Variants in ASPA observed in about 807,000 individuals in gnomAD.
ASPA encodes the protein ACY-2.
Under a neutral mutation model 29.6 loss-of-function variants are expected in ASPA, and 25 were observed. The observed-to-expected ratio is 0.85, with a 90% CI of 0.62 to 1.18. The LOEUF (loss-of-function observed/expected upper bound fraction) is 1.18. Among genes scored for constraint, ASPA ranks in the 50% most tolerant of loss-of-function variants. The pLI, the probability that ASPA is intolerant of heterozygous loss-of-function variation, is 0.00. For missense variants in ASPA, 333 were observed against 385.7 expected, an observed-to-expected ratio of 0.86 and a Z score of 1.14; for synonymous variants, 131 against 130.3, an observed-to-expected ratio of 1.01 and a Z score of -0.04.
At chr17:3,496,837 CG>C (rs2073916066) in intron 5 of ASPA, among the ~76,000 whole-genome samples, 2 of 152,268 alleles carry the variant, frequency 1.3e-5, no homozygotes, top group African/African-American at 4.8e-5. Context: ...GAGGCCGAGG[CG>C]GGCGGATCAC....
chr17:3,479,050 A>G (rs1245844715), intron 1 of ASPA, among the ~76,000 whole-genome samples: 2 of 152,198 alleles, frequency 1.3e-5, no homozygotes, highest in African/African-American at 4.8e-5. Context: ...TCTATTTTCC[A>G]TCTGATACCT....
rs548788006 is a variant in ASPA at position 3,490,711 on chromosome 17, A to G, written c.634+1369A>G. 3.9e-5 allele frequency among the ~76,000 whole-genome samples: 6 copies of G among 152,216 alleles called. No individual in the cohort carries two copies. Among genetic ancestry groups the G allele is most frequent in the South Asian group, 4.1e-4 (2 of 4,832 alleles). ...AACATACTTACAATAAACCCTCTGAATAGGAAGTGTGGGACTACAATATAT... is the reference window on the plus strand; with the variant it reads ...AACATACTTACAATAAACCCTCTGAGTAGGAAGTGTGGGACTACAATATAT... On this transcript the variant is annotated intron_variant, in intron 4 of 5. Coordinates refer to ENST00000263080, the MANE Select transcript of ASPA (RefSeq NM_000049.4). The surrounding 1 kb of genome is among the most constrained non-coding windows in gnomAD (Gnocchi z 4.6).
rs2073696726 is a variant in ASPA, at chr17:3,485,116, T to C, written c.526+1524T>C. On this transcript the variant is annotated intron_variant, in intron 3 of 5. Transcript: ENST00000263080. This position sits in a 1 kb window ranked among gnomAD's most constrained non-coding sequence, Gnocchi z 4.4. ...TCACTGCAGCCTTGACCTCCTGGGC[T>C]CAGGCAATCCTCCCATCTCAGCCTC... 6.6e-6 allele frequency among the ~76,000 whole-genome samples: 1 copy of C among 152,160 alleles called. No homozygotes were observed.
intron 4 of ASPA, among the ~76,000 whole-genome samples, chr17:3,493,999 T>C (rs2073868510): frequency 6.6e-6 from 1 of 151,796 alleles, no homozygotes; most frequent in Non-Finnish European, 1.5e-5. Context: ...GTTGTTATTA[T>C]TGTTTCTTCC....
chr17:3,483,032 TCCAAACCAAGAGG>T (rs1486133450), intron 2 of ASPA, among the ~76,000 whole-genome samples: 22 of 148,254 alleles, frequency 1.5e-4, no homozygotes, highest in Non-Finnish European at 1.5e-5. Context: ...CACTTTGTTA[TCCAAACCAAGAGG>T]CCTGTCTTCA....
chr17:3,483,595 A>G lies in ASPA; in HGVS notation c.526+3A>G. 1 of 1,606,370 alleles carries G rather than the reference A, an allele frequency of 6.2e-7. No homozygotes were observed. The highest frequency in any genetic ancestry group is 8.5e-7 in the Non-Finnish European group (1 of 1,172,938). On this transcript the variant is annotated splice_donor_region_variant and intron_variant, in intron 3 of 5. Coordinates refer to ENST00000263080, the MANE Select transcript of ASPA (RefSeq NM_000049.4). The stretch of plus-strand genomic sequence containing the variant: ...TTCCATAGCCAAGTATCCTGTGGGT[A>G]AGTCATAGTTCCCACTGTCATAACT...
chr17:3,488,499 A>G lies in ASPA; in HGVS notation c.527-736A>G, dbSNP rs1597438272. On this transcript the variant is annotated intron_variant, in intron 3 of 5. Coordinates refer to ENST00000263080, the MANE Select transcript of ASPA (RefSeq NM_000049.4). The surrounding 1 kb of genome is among the most constrained non-coding windows in gnomAD (Gnocchi z 6.1). ...TGGTGAAACCCTGCCTCTACTAAAA[A>G]TATAAAAATAAGCCAGGAATGGTGG... Among the ~76,000 whole-genome samples, 1 of 152,174 alleles carries G rather than the reference A, an allele frequency of 6.6e-6. No homozygotes were observed.
chr17:3,486,280 C>T (rs2073720195), intron 3 of ASPA, among the ~76,000 whole-genome samples: 1 of 152,196 alleles, frequency 6.6e-6, no homozygotes, highest in African/African-American at 2.4e-5. Context: ...GTGCCCTTTG[C>T]TCCAGGGAAG....
At position 3,488,012 on chromosome 17, in the gene ASPA, C is replaced by T. The variant is rs1457747455; in HGVS notation, c.527-1223C>T. Among the ~76,000 whole-genome samples the T allele has an allele frequency of 6.6e-6, 1 of 152,030 alleles. No individual in the cohort carries two copies. The highest frequency in any genetic ancestry group is 1.5e-5 in the Non-Finnish European group (1 of 68,016). On this transcript the variant is annotated intron_variant, in intron 3 of 5. Transcript: ENST00000263080. This position sits in a 1 kb window ranked among gnomAD's most constrained non-coding sequence, Gnocchi z 6.1. ...TACATATATGCAAGAAACCTAAGCA[C>T]AACAAATAAAAAATGATGCAAGAGA...
intron 4 of ASPA, among the ~76,000 whole-genome samples, chr17:3,492,510 CCTT>C (rs543934891): frequency 1.0e-3 from 153 of 152,290 alleles, no homozygotes; most frequent in Non-Finnish European, 1.7e-3. Flanking sequence ...TGTTTCATAT[CCTT>C]CTGTTCAGAG....
chr17:3,476,354 T>C lies in ASPA; in HGVS notation c.195T>C (p.Ile65=), dbSNP rs1252665222. 6.2e-7 allele frequency: 1 copy of C among 1,614,140 alleles called. No individual in the cohort carries two copies. The highest frequency in any genetic ancestry group is 1.1e-5 in the South Asian group (1 of 91,080). The change falls in exon 1 of 6, where the codon ATT becomes ATC. Residue 65 remains isoleucine, a synonymous_variant. Coordinates refer to ENST00000263080, the MANE Select transcript of ASPA (RefSeq NM_000049.4). The stretch of plus-strand genomic sequence containing the variant: ...CAGTGAAGAAGTGTACCAGATATAT[T>C]GACTGTGACCTGAATCGCATTTTTG... The part of the protein sequence containing the change: ...PRAVKKCTRY[I]DCDLNRIFDL...
chr17:3,476,205 A>G lies in ASPA; in HGVS notation c.46A>G (p.Ile16Val), dbSNP rs575183078. 9.9e-6 allele frequency: 16 copies of G among 1,614,148 alleles called. No homozygotes were observed. Among genetic ancestry groups the G allele is most frequent in the African/African-American group, 1.3e-5 (1 of 75,064 alleles). ...TGAAGAACATATACAAAAGGTTGCT[A>G]TCTTTGGAGGAACCCATGGGAATGA... ...IAEEHIQKVA[I>V]FGGTHGNELT... is the part of the protein sequence containing the mutation. Residue 16 changes from isoleucine (I) to valine (V), a missense_variant, in exon 1 of 6, where the codon ATC (isoleucine) becomes GTC (valine). Ile to Val is a conservative substitution (Grantham distance 29, BLOSUM62 3). Transcript: ENST00000263080.
At position 3,490,923 on chromosome 17, in the gene ASPA, G is replaced by C. The variant is rs2150755116; in HGVS notation, c.634+1581G>C. Among the ~76,000 whole-genome samples the C allele has an allele frequency of 6.6e-6, 1 of 152,212 alleles. No homozygotes were observed. The highest frequency in any genetic ancestry group is 1.9e-4 in the East Asian group (1 of 5,174). On this transcript the variant is annotated intron_variant, in intron 4 of 5. Coordinates refer to ENST00000263080, the MANE Select transcript of ASPA (RefSeq NM_000049.4). The surrounding 1 kb of genome is among the most constrained non-coding windows in gnomAD (Gnocchi z 4.6). ...TGTGTAACATTTCATTTAAGCAAAG[G>C]ATTCGGCAAATCAAAAATTGTCAAC...
At position 3,491,877 on chromosome 17, in the gene ASPA, C is replaced by CTTTTTTTTTTT. The variant is rs540965896; in HGVS notation, c.635-2465_635-2455dup. Among the ~76,000 whole-genome samples the CTTTTTTTTTTT allele has an allele frequency of 1.1e-4, 13 of 123,038 alleles. 1 individual carries two copies. Among genetic ancestry groups the CTTTTTTTTTTT allele is most frequent in the South Asian group, 5.0e-4 (2 of 4,018 alleles). 80.7% of individuals were successfully genotyped at this position (123,038 alleles called of 152,430 possible). ...GACAGAAATTTTTTTCTTTTGTTTT[C>CTTTTTTTTTTT]TTTTTTTTTTTTTTTTTTGAGACAG... On this transcript the variant is annotated intron_variant, in intron 4 of 5. Transcript: ENST00000263080.
In ASPA at chr17:3,476,142, T is replaced by C. The variant is rs752390508; in HGVS notation, c.-18T>C. On this transcript the variant is annotated 5_prime_UTR_variant, in exon 1 of 6. Coordinates refer to ENST00000263080, the MANE Select transcript of ASPA (RefSeq NM_000049.4). ...TCTCTTCTGAATTGCAGAAATCAGA[T>C]AAAAACTACTTGGTGAAATGACTTC... 3 of 1,606,740 alleles carry C rather than the reference T, an allele frequency of 1.9e-6. No homozygotes were observed. The Admixed American group carries it at 5.0e-5, about 27-fold the overall frequency.
intron 2 of ASPA, 82 bp downstream of exon 2, chr17:3,481,880 C>T: frequency 1.8e-5 from 23 of 1,294,526 alleles, no homozygotes; most frequent in Non-Finnish European, 2.5e-5. Context: ...AATCAGAAAA[C>T]AGTTATGAGG....
At chr17:3,476,578 G>A (rs757391645) in intron 1 of ASPA, among the ~76,000 whole-genome samples, 183 bp downstream of exon 1, 1 of 152,130 alleles carries the variant, frequency 6.6e-6, no homozygotes, top group Non-Finnish European at 1.5e-5. Flanking sequence ...TATCTAAACT[G>A]GGCATTCACA....
intron 4 of ASPA, 21 bp downstream of exon 4, chr17:3,489,363 C>T (rs749974010): frequency 3.8e-5 from 58 of 1,543,276 alleles, no homozygotes; most frequent in Middle Eastern, 1.7e-4. Flanking sequence ...ATGAAGGTAA[C>T]GTTATCAAAC....
chr17:3,487,785 T>G (rs1389108111), intron 3 of ASPA, among the ~76,000 whole-genome samples: 3 of 152,214 alleles, frequency 2.0e-5, no homozygotes, highest in African/African-American at 7.2e-5. Context: ...CCTTGAAGAT[T>G]GGAAGCCCAA....
Sources: allele counts gnomAD v4.1 joint callset (sites outside exome capture counted in the v4.1 genomes callset), GRCh38; gene constraint gnomAD v4.1.1; non-coding constraint Gnocchi (gnomAD v3.1); transcripts MANE v1.5; gene names NCBI Gene and HGNC (gene_info 2026-07-23, HGNC 2026-07-21).